The following CELF2 variants were observed in gnomAD, a reference collection of about 807,000 sequenced individuals.
The protein encoded by CELF2 is CUGBP Elav-like family member 2.
A neutral mutation model predicts 62.6 loss-of-function variants in CELF2; 8 were observed. The observed-to-expected ratio is 0.13, with a 90% CI of 0.07 to 0.23. The LOEUF is 0.23. Among genes scored for constraint, CELF2 ranks in the 10% least tolerant of loss-of-function variants. The pLI is 1.00. For synonymous variants in CELF2, 258 were observed against 250.0 expected (o/e 1.03, Z -0.30); for missense variants, 333 against 671.0 (o/e 0.50, Z 5.56).
the CELF2 span, among the ~76,000 whole-genome samples, chr10:10,515,819 A>T: frequency 6.6e-6 from 1 of 152,230 alleles, no homozygotes; most frequent in African/African-American, 2.4e-5. Context: ...GCCATATTTT[A>T]TGGATCCTAA....
intron 1 of CELF2, among the ~76,000 whole-genome samples, chr10:11,032,146 C>CAAAAAAAAAAAAAAA (rs56364371): frequency 0.098 from 8,368 of 85,454 alleles, 1,229 homozygotes; most frequent in Non-Finnish European, 0.17. Flanking sequence ...AGGGCTTAGC[C>CAAAAAAAAAAAAAAA]AAAAAAAAAA....
chr10:10,811,570 G>A (rs1322728805), intron 1 of CELF2, among the ~76,000 whole-genome samples: 2 of 152,048 alleles, frequency 1.3e-5, no homozygotes, highest in South Asian at 2.1e-4. Flanking sequence ...GTTGCAGGGG[G>A]TACATGCACA....
At chr10:11,120,510 C>A (rs541195613) in intron 1 of CELF2, among the ~76,000 whole-genome samples, 1 of 152,262 alleles carries the variant, frequency 6.6e-6, no homozygotes, top group South Asian at 2.1e-4. Flanking sequence ...TGCCAACAAC[C>A]CACACCATCT....
chr10:11,209,527 A>G (rs940279057), intron 2 of CELF2, among the ~76,000 whole-genome samples: 3 of 149,710 alleles, frequency 2.0e-5, no homozygotes, highest in African/African-American at 2.5e-5. Context: ...TCAAGATGCT[A>G]GGGGTATAAA....
the CELF2 span, among the ~76,000 whole-genome samples, chr10:10,538,076 C>G: frequency 6.6e-6 from 1 of 152,102 alleles, no homozygotes; most frequent in Admixed American, 6.5e-5. Flanking sequence ...AGTGCAGCAG[C>G]CACTGTCACC....
intron 1 of CELF2, among the ~76,000 whole-genome samples, chr10:11,161,911 A>C (rs1327279256): frequency 6.6e-6 from 1 of 152,180 alleles, no homozygotes; most frequent in African/African-American, 2.4e-5. Flanking sequence ...TTGAACACAT[A>C]ATTTCTGGCT....
chr10:11,023,596 G>T (rs2058686775), intron 1 of CELF2, among the ~76,000 whole-genome samples: 1 of 152,206 alleles, frequency 6.6e-6, no homozygotes, highest in Non-Finnish European at 1.5e-5. Flanking sequence ...TTTAGTGAGA[G>T]CTTTAGACTC....
At chr10:10,592,822 C>T in the CELF2 span, among the ~76,000 whole-genome samples, 1 of 152,102 alleles carries the variant, frequency 6.6e-6, no homozygotes, top group Non-Finnish European at 1.5e-5. Flanking sequence ...GCGGTGTCCT[C>T]AAAACCCCCA....
chr10:10,883,712 G>A (rs1379050947), intron 1 of CELF2, among the ~76,000 whole-genome samples: 1 of 152,124 alleles, frequency 6.6e-6, no homozygotes, highest in Admixed American at 6.5e-5. Context: ...TCATCTCAAG[G>A]GTGGAAAGTT....
chr10:10,809,075 G>T (rs2055556102), intron 1 of CELF2, among the ~76,000 whole-genome samples: 1 of 152,078 alleles, frequency 6.6e-6, no homozygotes, highest in African/African-American at 2.4e-5. Flanking sequence ...GAAATAATTA[G>T]GTATAGATAA....
chr10:10,912,465 G>A (rs1486949147), intron 1 of CELF2, among the ~76,000 whole-genome samples: 3 of 152,094 alleles, frequency 2.0e-5, no homozygotes, highest in Non-Finnish European at 4.4e-5. Context: ...CACCTCCCAG[G>A]TTCAAGCGAT....
chr10:11,218,676 C>A (rs535567423), intron 3 of CELF2, among the ~76,000 whole-genome samples: 1 of 152,324 alleles, frequency 6.6e-6, no homozygotes, highest in East Asian at 1.9e-4. Flanking sequence ...ATAGAAGGTT[C>A]GAAGAAGCAA....
At chr10:10,810,657 C>G (rs542757070) in intron 1 of CELF2, among the ~76,000 whole-genome samples, 1 of 151,992 alleles carries the variant, frequency 6.6e-6, no homozygotes, top group Non-Finnish European at 1.5e-5. Flanking sequence ...AGATGGAGAC[C>G]GGCAGAAGGA....
chr10:10,774,441 G>T, the CELF2 span, among the ~76,000 whole-genome samples: 4 of 152,192 alleles, frequency 2.6e-5, no homozygotes, highest in Admixed American at 6.5e-5. Context: ...GGATCATGGG[G>T]GTGGATCCTT....
chr10:10,734,822 A>G, the CELF2 span, among the ~76,000 whole-genome samples: 1 of 152,196 alleles, frequency 6.6e-6, no homozygotes, highest in Non-Finnish European at 1.5e-5. Flanking sequence ...CAGCCTCAGC[A>G]CTGAAAGTCC....
chr10:11,278,823 A>G (rs2087134625), intron 8 of CELF2, among the ~76,000 whole-genome samples: 1 of 152,244 alleles, frequency 6.6e-6, no homozygotes, highest in African/African-American at 2.4e-5. Flanking sequence ...AACCTGATGA[A>G]GTAGGGACTC....
chr10:10,477,596 C>G, the CELF2 span, among the ~76,000 whole-genome samples: 1 of 152,014 alleles, frequency 6.6e-6, no homozygotes, highest in Non-Finnish European at 1.5e-5. Context: ...TTTTCTAGGC[C>G]GAGTGCTGTT....
At chr10:10,819,977 G>A (rs138483191) in intron 1 of CELF2, among the ~76,000 whole-genome samples, 2 of 152,200 alleles carry the variant, frequency 1.3e-5, no homozygotes, top group East Asian at 1.9e-4. Flanking sequence ...CAGTTCCCGT[G>A]TGTTGTGGGA....
rs886440862 is a variant in CELF2, at chr10:11,075,988, T to A, written c.74+57825T>A. Among the ~76,000 whole-genome samples, 1 of 152,114 alleles carries A rather than the reference T, an allele frequency of 6.6e-6. No homozygotes were observed. The highest frequency in any genetic ancestry group is 2.4e-5 in the African/African-American group (1 of 41,426). ...AAAAATGATATATCAGCATACTTTT[T>A]TAGTGTGAGAAAATACCAATTAAGA... On this transcript the variant is annotated intron_variant, in intron 1 of 12. Transcript: ENST00000633077. This position sits in a 1 kb window ranked among gnomAD's most constrained non-coding sequence, Gnocchi z 5.4.
Sources: gnomAD v4.1 joint callset for allele counts (sites outside exome capture counted in the v4.1 genomes callset) on GRCh38, gnomAD v4.1.1 for gene constraint, Gnocchi (gnomAD v3.1) non-coding constraint, MANE v1.5 for transcripts, NCBI Gene and HGNC (gene_info 2026-07-23, HGNC 2026-07-21) for gene names.